FANK1: variants seen among roughly 807,000 people sequenced by gnomAD.
FANK1 encodes fibronectin type III and ankyrin repeat domains 1, also known as fibronectin type 3 and ankyrin repeat domains protein 1.
A neutral mutation model predicts 45.3 loss-of-function variants in FANK1; 44 were observed. The observed-to-expected ratio is 0.97, with a 90% confidence interval of 0.76 to 1.25. FANK1 has a LOEUF of 1.25. Ranked by LOEUF, FANK1 falls within the 50% of genes most tolerant of loss-of-function variation. The pLI, the probability that FANK1 is intolerant of heterozygous loss-of-function variation, is 0.00. For missense variants in FANK1, 391 were observed against 424.4 expected (o/e 0.92, Z 0.69); for synonymous variants, 149 against 152.5 (o/e 0.98, Z 0.17).
intron 6 of FANK1, among the ~76,000 whole-genome samples, chr10:126,003,926 T>G (rs1952972391): frequency 6.6e-6 from 1 of 152,124 alleles, no homozygotes; most frequent in African/African-American, 2.4e-5. Flanking sequence ...TCCACCCACC[T>G]CGGCCTCCAA....
chr10:125,897,853 T>C (rs1409663935), intron 1 of FANK1, among the ~76,000 whole-genome samples: 1 of 151,872 alleles, frequency 6.6e-6, no homozygotes, highest in African/African-American at 2.4e-5. Context: ...AGTTGAAATA[T>C]ACCTTTTAAA....
intron 7 of FANK1, among the ~76,000 whole-genome samples, chr10:126,007,748 AC>A (rs1953339823): frequency 6.6e-6 from 1 of 151,856 alleles, no homozygotes; most frequent in African/African-American, 2.4e-5. Flanking sequence ...CTTCAGCACC[AC>A]TCTTCATGGA....
At chr10:125,988,486 G>A in intron 2 of FANK1, 65 bp from the exon 3 acceptor site, 3 of 1,576,332 alleles carry the variant, frequency 1.9e-6, no homozygotes, top group Non-Finnish European at 2.6e-6. Context: ...CTCTTCTGCT[G>A]TCTTATCAGA....
chr10:125,912,488 T>TGTGTGTG (rs1564862333), intron 1 of FANK1, among the ~76,000 whole-genome samples: 2 of 137,896 alleles, frequency 1.5e-5, no homozygotes, highest in African/African-American at 5.6e-5. Flanking sequence ...GTGTGTGTGT[T>TGTGTGTG]TTTGAGATTA....
intron 1 of FANK1, among the ~76,000 whole-genome samples, chr10:125,919,012 A>G (rs1244428327): frequency 3.3e-5 from 5 of 152,054 alleles, no homozygotes; most frequent in Non-Finnish European, 5.9e-5. Flanking sequence ...GGGTTTCAAG[A>G]TGAAATAGAA....
intron 1 of FANK1, among the ~76,000 whole-genome samples, chr10:125,931,434 T>C (rs1947745113): frequency 1.3e-5 from 2 of 152,208 alleles, no homozygotes; most frequent in Admixed American, 1.3e-4. Flanking sequence ...TGGTATCACA[T>C]TGTGGTTTTG....
At chr10:125,996,380 T>G (rs73372503) in intron 4 of FANK1, among the ~76,000 whole-genome samples, 170 bp from the exon 5 acceptor site, 4 of 152,348 alleles carry the variant, frequency 2.6e-5, no homozygotes, top group African/African-American at 7.2e-5. Context: ...GTATATAGTT[T>G]AGAAGATTCT....
Position 125,947,114 on chromosome 10 carries a change from C to T in FANK1, c.14-33047C>T, listed in dbSNP as rs1206543586. Among the ~76,000 whole-genome samples, 199 of 149,866 alleles carry T rather than the reference C, an allele frequency of 1.3e-3. 1 individual carries two copies. Among genetic ancestry groups the T allele is most frequent in the African/African-American group, 4.4e-3 (180 of 40,680 alleles). On this transcript the variant is annotated intron_variant, in intron 1 of 10. Transcript: ENST00000368693. ...GCCCTAAAAGAGCTCCTGAAGGAAG[C>T]GCTAAACATGGAAAGGAACAACCGG...
chr10:126,007,847 T>G (rs1953349469), intron 7 of FANK1, among the ~76,000 whole-genome samples: 1 of 152,306 alleles, frequency 6.6e-6, no homozygotes, highest in Admixed American at 6.5e-5. Flanking sequence ...AATTGAGAGA[T>G]TTCAGTGTAG....
intron 1 of FANK1, among the ~76,000 whole-genome samples, chr10:125,958,264 A>AT (rs763686241): frequency 4.0e-5 from 6 of 151,784 alleles, no homozygotes; most frequent in African/African-American, 7.3e-5. Context: ...TGTGATCAAC[A>AT]TTTTTTTTAG....
intron 1 of FANK1, among the ~76,000 whole-genome samples, chr10:125,905,268 T>A (rs1455775711): frequency 4.7e-5 from 7 of 148,740 alleles, no homozygotes; most frequent in African/African-American, 1.8e-4. Flanking sequence ...ATAGTGAGAC[T>A]CTGTCACTAA....
intron 7 of FANK1, among the ~76,000 whole-genome samples, chr10:126,005,410 C>T (rs992577987): frequency 2.0e-4 from 30 of 151,398 alleles, no homozygotes; most frequent in Admixed American, 4.6e-4. Context: ...CAGGTTCAAG[C>T]GATTCTCCTG....
intron 1 of FANK1, among the ~76,000 whole-genome samples, chr10:125,954,071 C>T (rs1028208087): frequency 1.3e-5 from 1 of 75,130 alleles, no homozygotes; most frequent in Non-Finnish European, 3.6e-5. Flanking sequence ...GCTGCTGTGT[C>T]CTATCTCCAC....
chr10:125,898,019 A>AAAAG (rs1554902604), intron 1 of FANK1, among the ~76,000 whole-genome samples: 11,246 of 83,392 alleles, frequency 0.13, 2,307 homozygotes, highest in Non-Finnish European at 0.22. Context: ...AAAAAAAAAA[A>AAAAG]AAAAAAAAAA....
At chr10:125,913,052 C>G (rs1334371389) in intron 1 of FANK1, among the ~76,000 whole-genome samples, 2 of 152,188 alleles carry the variant, frequency 1.3e-5, no homozygotes, top group African/African-American at 2.4e-5. Flanking sequence ...AATCTATTGA[C>G]TGTGAGCCCA....
At chr10:125,997,803 C>T (rs549166538) in intron 6 of FANK1, among the ~76,000 whole-genome samples, 5 of 152,380 alleles carry the variant, frequency 3.3e-5, no homozygotes, top group South Asian at 4.1e-4. Context: ...CCGCGCTGGG[C>T]GTGGGTGCAA....
intron 1 of FANK1, chr10:125,973,320 G>A: frequency 2.1e-6 from 1 of 473,800 alleles, no homozygotes; most frequent in Non-Finnish European, 2.8e-6. Flanking sequence ...TTGGCTTCTG[G>A]TTATTTTGGG....
intron 2 of FANK1, chr10:125,980,986 T>C (rs11814311): frequency 0.39 from 59,939 of 152,172 alleles, 11,999 homozygotes; most frequent in South Asian, 0.46. Flanking sequence ...TTTAGCTCTG[T>C]TGGGCTTATT....
At chr10:125,901,793 T>C (rs1945058560) in intron 1 of FANK1, among the ~76,000 whole-genome samples, 1 of 152,236 alleles carries the variant, frequency 6.6e-6, no homozygotes, top group Non-Finnish European at 1.5e-5. Context: ...TTTCTCTTAA[T>C]AGTAATAATC....
Sources: gnomAD v4.1 joint callset for allele counts (sites outside exome capture counted in the v4.1 genomes callset) on GRCh38, gnomAD v4.1.1 for gene constraint, MANE v1.5 for transcripts, NCBI Gene and HGNC (gene_info 2026-07-23, HGNC 2026-07-21) for gene names.